Variants in CUX1 observed in about 807,000 individuals in gnomAD.
CUX1 encodes the protein cut like homeobox 1, also known as protein CASP.
CUX1 carries 31 observed loss-of-function variants against 158.8 expected under a neutral mutation model. The ratio of observed to expected loss-of-function variants is 0.20; its 90% confidence interval spans 0.15 to 0.26. The LOEUF is 0.26. Among genes scored for constraint, CUX1 ranks in the 10% least tolerant of loss-of-function variants. The pLI is 1.00. For missense variants in CUX1, 1,589 were observed against 2,014.6 expected (o/e 0.79, Z 4.04); for synonymous variants, 879 against 862.1 (o/e 1.02, Z -0.34).
intron 3 of CUX1, among the ~76,000 whole-genome samples, chr7:102,057,968 T>C (rs1170590891): frequency 6.6e-6 from 1 of 152,122 alleles, no homozygotes; most frequent in East Asian, 1.9e-4. Context: ...GCCAATTTCA[T>C]TGTTGCCTTA....
intron 2 of CUX1, among the ~76,000 whole-genome samples, chr7:102,027,035 ACT>A (rs886255214): frequency 1.3e-5 from 2 of 151,850 alleles, no homozygotes; most frequent in Admixed American, 6.6e-5. Context: ...ATTTATTGTG[ACT>A]CTGTCAGATG....
chr7:101,919,212 G>T (rs1563009212), intron 2 of CUX1, among the ~76,000 whole-genome samples: 1 of 152,076 alleles, frequency 6.6e-6, no homozygotes, highest in Non-Finnish European at 1.5e-5. Flanking sequence ...GTGTGTGTGG[G>T]GGGGGAGCTG....
intron 1 of CUX1, among the ~76,000 whole-genome samples, chr7:101,839,130 C>T (rs1794935335): frequency 6.6e-6 from 1 of 152,204 alleles, no homozygotes; most frequent in Non-Finnish European, 1.5e-5. Flanking sequence ...CTCATCTCAT[C>T]CTTACGACCT....
intron 3 of CUX1, among the ~76,000 whole-genome samples, chr7:102,069,118 A>G (rs1270371653): frequency 6.6e-6 from 1 of 151,942 alleles, no homozygotes; most frequent in East Asian, 1.9e-4. Flanking sequence ...CTCCTCCTCG[A>G]CACCCACAAC....
intron 1 of CUX1, among the ~76,000 whole-genome samples, chr7:101,862,660 A>G (rs1242025707): frequency 6.6e-6 from 1 of 152,150 alleles, no homozygotes; most frequent in Non-Finnish European, 1.5e-5. Flanking sequence ...ATCGAGGGAC[A>G]TATTAAACCT....
At chr7:102,028,480 C>T (rs1157644735) in intron 3 of CUX1, among the ~76,000 whole-genome samples, 1 of 152,172 alleles carries the variant, frequency 6.6e-6, no homozygotes, top group Non-Finnish European at 1.5e-5. Context: ...CGCCTTGTCC[C>T]CCTGAGCTGG....
At chr7:101,851,084 G>C (rs987027989) in intron 1 of CUX1, among the ~76,000 whole-genome samples, 3 of 152,146 alleles carry the variant, frequency 2.0e-5, no homozygotes, top group Non-Finnish European at 4.4e-5. Flanking sequence ...ACTCCAGCCT[G>C]GGTGACAGAG....
At chr7:102,276,164 A>C (rs781980282) in intron 17 of CUX1, among the ~76,000 whole-genome samples, 3 of 152,136 alleles carry the variant, frequency 2.0e-5, no homozygotes, top group Non-Finnish European at 4.4e-5. Context: ...GTGTATAAAT[A>C]TCTCTCCAAG....
chr7:102,250,063 A>G lies in CUX1; in HGVS notation c.*1021A>G, dbSNP rs868980366. 1,381 of 411,276 alleles carry G rather than the reference A, an allele frequency of 3.4e-3. 16 individuals carry two copies. In the African/African-American group the frequency reaches 0.037, roughly 11 times the overall value. The allele number at this position is 411,276 out of a possible 1,614,324, so 25.5% of individuals were successfully genotyped here. A position where few individuals can be genotyped will look rare whatever the true frequency, so the allele number is the denominator to read the frequency against. On this transcript the variant is annotated 3_prime_UTR_variant, in exon 24 of 24. Transcript: ENST00000292535. ...CAGGACAAAAAAAAGAAAAAAAAAG[A>G]AAAAAAAAAAAGAAAAGATCCGAAT...
At chr7:102,263,791 C>T (rs529847657) in intron 14 of CUX1, among the ~76,000 whole-genome samples, 1 of 151,808 alleles carries the variant, frequency 6.6e-6, no homozygotes, top group South Asian at 2.1e-4. Context: ...CTCCGGGGTT[C>T]AAGCGATTCT....
chr7:101,881,621 G>A (rs1333138660), intron 1 of CUX1, among the ~76,000 whole-genome samples: 2 of 152,182 alleles, frequency 1.3e-5, no homozygotes, highest in Admixed American at 6.5e-5. Context: ...CATGGTATTT[G>A]GGAATTGATT....
At chr7:102,171,907 C>T (rs927611730) in intron 10 of CUX1, among the ~76,000 whole-genome samples, 1 of 152,212 alleles carries the variant, frequency 6.6e-6, no homozygotes, top group Non-Finnish European at 1.5e-5. Flanking sequence ...GTCCTTTTAT[C>T]CAACAGTGAC....
Position 102,137,265 on chromosome 7 carries a change from C to T in CUX1, c.675-21295C>T, listed in dbSNP as rs117466367. On this transcript the variant is annotated intron_variant, in intron 8 of 23. Transcript: ENST00000292535. ...TTTAGATGCCATGGGATCAAAGCCC[C>T]GCAACTGTGTTAGATCCTTCTAGTG... 1.2e-3 allele frequency among the ~76,000 whole-genome samples: 187 copies of T among 152,276 alleles called. 2 individuals carry two copies. The highest frequency in any genetic ancestry group is 2.2e-3 in the Admixed American group (33 of 15,290).
intron 2 of CUX1, among the ~76,000 whole-genome samples, chr7:102,024,040 A>C (rs1271862756): frequency 6.6e-6 from 1 of 152,246 alleles, no homozygotes; most frequent in Non-Finnish European, 1.5e-5. Flanking sequence ...GAATATAGAA[A>C]TAATTGTATC....
At chr7:102,282,961 A>ATC in intron 22 of CUX1, 1 of 1,143,126 alleles carries the variant, frequency 8.7e-7, no homozygotes, top group Non-Finnish European at 1.3e-6. Flanking sequence ...ATCACATGGT[A>ATC]CACACCCCCC....
At chr7:102,161,650 A>G (rs1002018287) in intron 9 of CUX1, among the ~76,000 whole-genome samples, 10 of 152,182 alleles carry the variant, frequency 6.6e-5, no homozygotes, top group African/African-American at 9.7e-5. Context: ...TACTCTTGTC[A>G]TCTAGGCTGG....
intron 17 of CUX1, chr7:102,277,899 C>T: frequency 8.5e-7 from 1 of 1,173,600 alleles, no homozygotes; most frequent in South Asian, 1.5e-5. Flanking sequence ...AGCACCTGTG[C>T]CAGCACGGAG....
intron 3 of CUX1, among the ~76,000 whole-genome samples, chr7:102,067,489 G>A (rs1585507964): frequency 6.6e-6 from 1 of 150,830 alleles, no homozygotes; most frequent in Non-Finnish European, 1.5e-5. Flanking sequence ...GCCCACCTCG[G>A]CCTCCCAAAG....
chr7:102,122,611 A>C (rs782564190), intron 8 of CUX1, among the ~76,000 whole-genome samples: 27 of 152,210 alleles, frequency 1.8e-4, no homozygotes, highest in Non-Finnish European at 3.1e-4. Context: ...TGGGGGCTAG[A>C]CAAAAACAAG....
Sources: gnomAD v4.1 joint callset for allele counts (sites outside exome capture counted in the v4.1 genomes callset) on GRCh38, gnomAD v4.1.1 for gene constraint, MANE v1.5 for transcripts, NCBI Gene and HGNC (gene_info 2026-07-23, HGNC 2026-07-21) for gene names.